Variants in EPHA7 observed in about 807,000 individuals in gnomAD.
EPHA7 encodes ephrin type-A receptor 7.
Under a neutral mutation model 112.6 loss-of-function variants are expected in EPHA7, and 25 were observed. The ratio of observed to expected loss-of-function variants is 0.22; its 90% CI spans 0.16 to 0.31. EPHA7 has a LOEUF of 0.31. Among genes scored for constraint, EPHA7 ranks in the 10% least tolerant of loss-of-function variants. The pLI is 1.00. For synonymous variants in EPHA7, 437 were observed against 406.5 expected (o/e 1.07, Z -0.90); for missense variants, 962 against 1,212.6 (o/e 0.79, Z 3.07).
chr6:93,385,631 C>A (rs1029242472), intron 3 of EPHA7, among the ~76,000 whole-genome samples: 3 of 151,994 alleles, frequency 2.0e-5, no homozygotes, highest in Middle Eastern at 6.9e-3. Context: ...GTAATTTTGT[C>A]TTGTTCTACT....
intron 3 of EPHA7, among the ~76,000 whole-genome samples, chr6:93,389,961 G>A (rs1777820648): frequency 6.6e-6 from 1 of 151,924 alleles, no homozygotes; most frequent in Admixed American, 6.6e-5. Context: ...GTAAAAGATT[G>A]TCAGTGAATT....
intron 3 of EPHA7, among the ~76,000 whole-genome samples, chr6:93,358,976 A>C (rs913427989): frequency 3.3e-5 from 5 of 152,174 alleles, no homozygotes; most frequent in African/African-American, 4.8e-5. Context: ...TAGAATTTCA[A>C]CCAATTTAAG....
intron 5 of EPHA7, among the ~76,000 whole-genome samples, chr6:93,350,772 G>A (rs999412482): frequency 1.3e-5 from 2 of 151,734 alleles, no homozygotes; most frequent in African/African-American, 2.4e-5. Flanking sequence ...ACGACTATAT[G>A]TAATATGTGA....
At chr6:93,298,247 C>A (rs1000924570) in intron 5 of EPHA7, among the ~76,000 whole-genome samples, 1 of 151,970 alleles carries the variant, frequency 6.6e-6, no homozygotes, top group East Asian at 1.9e-4. Flanking sequence ...TTAGTGGGAG[C>A]CGACAGTCAG....
intron 5 of EPHA7, among the ~76,000 whole-genome samples, chr6:93,335,008 C>T (rs148617442): frequency 6.6e-6 from 1 of 152,134 alleles, no homozygotes; most frequent in East Asian, 1.9e-4. Flanking sequence ...ACAAGACAGG[C>T]CACAGACCCA....
At chr6:93,359,238 A>G (rs1458864196) in intron 3 of EPHA7, among the ~76,000 whole-genome samples, 2 of 152,118 alleles carry the variant, frequency 1.3e-5, no homozygotes, top group Non-Finnish European at 2.9e-5. Flanking sequence ...GCTCTTATTC[A>G]TTTAGATTCT....
At chr6:93,270,940 A>G in intron 6 of EPHA7, among the ~76,000 whole-genome samples, 1 of 151,820 alleles carries the variant, frequency 6.6e-6, no homozygotes, top group East Asian at 1.9e-4. Context: ...AGGCCAAAAA[A>G]TGATTTGAAC....
rs1343596094 is a variant in EPHA7 at position 93,242,643 on chromosome 6, A to G, written c.*783T>C. On this transcript the variant is annotated 3_prime_UTR_variant, in exon 17 of 17. Transcript: ENST00000369303. ...AAAATCACTCTATAAACAATCTGTT[A>G]AAAGTGCCTTATAGTATGTATGGAT... 4.5e-6 allele frequency: 1 copy of G among 220,034 alleles called. No individual in the cohort carries two copies. Among genetic ancestry groups the G allele is most frequent in the African/African-American group, 2.2e-5 (1 of 44,698 alleles). The allele number at this position is 220,034 out of a possible 1,614,324, so 13.6% of individuals were successfully genotyped here.
chr6:93,376,433 G>A lies in EPHA7; in HGVS notation c.833-18022C>T, dbSNP rs146738760. ...TGGAATTACAGGCATAAGTCACCAC[G>A]CCTGGTCCATTTTCATAAACCAATT... On this transcript the variant is annotated intron_variant, in intron 3 of 16. Transcript: ENST00000369303. 1.2e-3 allele frequency among the ~76,000 whole-genome samples: 185 copies of A among 152,138 alleles called. 1 individual carries two copies. Among genetic ancestry groups the A allele is most frequent in the African/African-American group, 4.3e-3 (179 of 41,494 alleles).
At position 93,259,435 on chromosome 6, in the gene EPHA7, C is replaced by T. The variant is rs1770589860; in HGVS notation, c.1843G>A (p.Glu615Lys). The change falls in exon 10 of 17, where the codon GAG becomes AAG. Residue 615 changes from glutamate (E) to lysine (K), a missense_variant. Physicochemically the swap from Glu to Lys is moderately conservative, Grantham distance 56. This residue lies in a region of EPHA7 where 746 missense variants were observed against 889.2 expected (regional missense o/e 0.84). Coordinates refer to ENST00000369303, the MANE Select transcript of EPHA7 (RefSeq NM_004440.4). ...TGATGGACAGCTCTATTTGGGTCCT[C>T]ATAGGTTTCAGGGTCAATGTAGGTT... Reference protein sequence around the residue: ...TKTYIDPETYEDPNRAVHQFA... With the variant: ...TKTYIDPETYKDPNRAVHQFA... The T allele has an allele frequency of 1.2e-6, 2 of 1,612,066 alleles. No homozygotes were observed. Among genetic ancestry groups the T allele is most frequent in the East Asian group, 4.5e-5 (2 of 44,798 alleles).
intron 5 of EPHA7, among the ~76,000 whole-genome samples, chr6:93,353,224 T>C (rs1202584636): frequency 6.6e-6 from 1 of 152,134 alleles, no homozygotes; most frequent in Non-Finnish European, 1.5e-5. Flanking sequence ...GTACGTAACT[T>C]GATCTTTGTG....
At chr6:93,322,845 G>C (rs1018258116) in intron 5 of EPHA7, among the ~76,000 whole-genome samples, 4 of 151,368 alleles carry the variant, frequency 2.6e-5, no homozygotes, top group African/African-American at 9.7e-5. Flanking sequence ...ACAGATTCAG[G>C]GAGCATACTG....
intron 14 of EPHA7, among the ~76,000 whole-genome samples, chr6:93,251,683 G>A (rs1770222600): frequency 6.6e-6 from 1 of 151,736 alleles, no homozygotes; most frequent in Non-Finnish European, 1.5e-5. Flanking sequence ...AGTTGATTTG[G>A]ATGAATCAAG....
intron 5 of EPHA7, among the ~76,000 whole-genome samples, chr6:93,334,991 G>A (rs1476449458): frequency 6.6e-6 from 1 of 152,014 alleles, no homozygotes; most frequent in Non-Finnish European, 1.5e-5. Flanking sequence ...AAATAACCTA[G>A]AAGGCAACAA....
intron 1 of EPHA7, 28 bp downstream of exon 1, chr6:93,419,217 A>T: frequency 5.7e-6 from 9 of 1,590,116 alleles, no homozygotes; most frequent in Non-Finnish European, 7.8e-6. Flanking sequence ...AATAAGTCAG[A>T]ACAAACTTTG....
At chr6:93,412,199 T>C (rs975841922) in intron 2 of EPHA7, among the ~76,000 whole-genome samples, 4 of 152,082 alleles carry the variant, frequency 2.6e-5, no homozygotes, top group African/African-American at 9.6e-5. Flanking sequence ...GTCATGTTAA[T>C]ATTAATTTCC....
intron 5 of EPHA7, among the ~76,000 whole-genome samples, chr6:93,327,258 G>T (rs965871133): frequency 2.5e-4 from 38 of 151,422 alleles, no homozygotes; most frequent in African/African-American, 8.7e-4. Flanking sequence ...AACTTTCTTT[G>T]CTTTCTGAGC....
chr6:93,395,031 A>T (rs537067451), intron 3 of EPHA7, among the ~76,000 whole-genome samples: 1 of 151,554 alleles, frequency 6.6e-6, no homozygotes, highest in East Asian at 1.9e-4. Context: ...TTTTGTGAGA[A>T]TTTTTTTTAC....
chr6:93,404,636 T>TAC (rs1554191412), intron 3 of EPHA7, among the ~76,000 whole-genome samples: 28 of 145,082 alleles, frequency 1.9e-4, no homozygotes, highest in African/African-American at 3.0e-4. Flanking sequence ...TATATATATA[T>TAC]ACACACATGT....
Sources: allele counts gnomAD v4.1 joint callset (sites outside exome capture counted in the v4.1 genomes callset), GRCh38; gene constraint gnomAD v4.1.1; regional missense constraint gnomAD v4.1.1; transcripts MANE v1.5; gene names NCBI Gene and HGNC (gene_info 2026-07-23, HGNC 2026-07-21).